The following PCNX2 variants were observed in gnomAD, a reference collection of about 807,000 sequenced individuals.
PCNX2 encodes pecanex-like protein 2.
In PCNX2, 168 loss-of-function variants were observed where a neutral mutation model predicts 223.8. That is an observed-to-expected ratio of 0.75 (90% CI 0.66 to 0.85). PCNX2 has a LOEUF of 0.85. PCNX2 is among the 40% of genes least tolerant of loss of function. The pLI is 0.00. For synonymous variants in PCNX2, 1,006 were observed against 1,052.6 expected (o/e 0.96, Z 0.86); for missense variants, 2,507 against 2,675.5 (o/e 0.94, Z 1.39).
the PCNX2 span, among the ~76,000 whole-genome samples, chr1:233,301,130 A>G: frequency 6.6e-6 from 1 of 152,248 alleles, no homozygotes; most frequent in African/African-American, 2.4e-5. Context: ...TAAACATTAT[A>G]CAAGCAACAT....
rs1487645036 is a variant in PCNX2 at position 232,999,157 on chromosome 1, C to T, written c.5551G>A (p.Gly1851Arg). The change falls in exon 31 of 34, where the codon GGA (glycine) becomes AGA (arginine). Residue 1851 changes from glycine to arginine, a missense_variant. Coordinates refer to ENST00000258229, the MANE Select transcript of PCNX2 (RefSeq NM_014801.4). ...CTAATTCTGTCCAAAGTGATGGGTC[C>T]ACCCCAGATGTTCTTCAGCTGCCTG... ...THRQLKNIWG[G>R]PITLDRIRTW... 6.2e-7 allele frequency: 1 copy of T among 1,613,756 alleles called. No individual in the cohort carries two copies. Among genetic ancestry groups the T allele is most frequent in the African/African-American group, 1.3e-5 (1 of 74,918 alleles).
At chr1:233,278,393 AC>A (rs1261848778) in intron 1 of PCNX2, among the ~76,000 whole-genome samples, 2 of 152,002 alleles carry the variant, frequency 1.3e-5, no homozygotes, top group Non-Finnish European at 1.5e-5. Flanking sequence ...CTCTCTGGGG[AC>A]TCTTGAGATG....
At position 232,986,332 on chromosome 1, in the gene PCNX2, G is replaced by A. The variant is rs752591120; in HGVS notation, c.6000C>T (p.Pro2000=). 7.5e-6 allele frequency: 12 copies of A among 1,593,180 alleles called. No homozygotes were observed. Among genetic ancestry groups the A allele is most frequent in the Non-Finnish European group, 1.0e-5 (12 of 1,170,634 alleles). Residue 2000 remains proline, a synonymous_variant, in exon 33 of 34, where the codon CCC becomes CCT. Transcript: ENST00000258229. ...SATSLHSQPP[P]VTTTGHLSVR... is the part of the protein sequence containing the mutation. The stretch of plus-strand genomic sequence containing the variant: ...CACTCAGGTGGCCGGTGGTGGTGAC[G>A]GGCGGGGGCTGAGAGTGCAGGGACG...
At chr1:233,022,578 C>T (rs369244009) in intron 26 of PCNX2, among the ~76,000 whole-genome samples, 79 of 146,206 alleles carry the variant, frequency 5.4e-4, no homozygotes, top group Admixed American at 1.1e-3. Flanking sequence ...AGTGTGTGCA[C>T]AGTGTGTACA....
chr1:233,195,305 G>T (rs553930540), intron 15 of PCNX2, among the ~76,000 whole-genome samples: 48 of 152,190 alleles, frequency 3.2e-4, no homozygotes, highest in Non-Finnish European at 1.5e-5. Flanking sequence ...AGAAATCTAA[G>T]GGAAATGACT....
At chr1:233,085,061 G>A (rs906028793) in intron 23 of PCNX2, among the ~76,000 whole-genome samples, 3 of 152,186 alleles carry the variant, frequency 2.0e-5, no homozygotes, top group Non-Finnish European at 4.4e-5. Context: ...CAGGCCAGGC[G>A]TGGTGGCTCA....
rs569035112 is a variant in PCNX2, at chr1:233,290,028, C to T, written c.153+5298G>A. Among the ~76,000 whole-genome samples the T allele has an allele frequency of 4.6e-4, 68 of 149,122 alleles. 1 individual carries two copies. Among genetic ancestry groups the T allele is most frequent in the Non-Finnish European group, 5.9e-4 (40 of 67,414 alleles). ...GGAAGTCTAGGTGAAGCCTGGGGGG[C>T]GGGGGGAAAGAAGTAAAGGAGGAAG... On this transcript the variant is annotated intron_variant, in intron 1 of 33. Transcript: ENST00000258229.
intron 23 of PCNX2, among the ~76,000 whole-genome samples, chr1:233,074,122 G>A (rs563608491): frequency 6.6e-6 from 1 of 152,002 alleles, no homozygotes; most frequent in Non-Finnish European, 1.5e-5. Context: ...ATTTGCTCTT[G>A]CTATTAATTT....
chr1:233,249,570 G>C lies in PCNX2; in HGVS notation c.2222+1169C>G, dbSNP rs115199630. Among the ~76,000 whole-genome samples, 1,137 of 152,346 alleles carry C rather than the reference G, an allele frequency of 7.5e-3. 9 individuals carry two copies. Among genetic ancestry groups the C allele is most frequent in the South Asian group, 0.023 (112 of 4,834 alleles). ...ATGCCTGTTGGCTGGAGAAGAAGAA[G>C]TTTGTGATGTTTGGATTGGTCCATG... On this transcript the variant is annotated intron_variant, in intron 8 of 33. Transcript: ENST00000258229.
intron 25 of PCNX2, among the ~76,000 whole-genome samples, chr1:233,041,628 C>T (rs1329295835): frequency 6.6e-6 from 1 of 152,210 alleles, no homozygotes; most frequent in Non-Finnish European, 1.5e-5. Context: ...AAACCCAGCA[C>T]TCTGGGTGGA....
At chr1:233,055,835 T>C (rs1014729822) in intron 24 of PCNX2, among the ~76,000 whole-genome samples, 1 of 152,146 alleles carries the variant, frequency 6.6e-6, no homozygotes, top group Non-Finnish European at 1.5e-5. Context: ...ATCCCTGCTT[T>C]GTATCCATGG....
At chr1:233,197,000 T>C (rs1680776300) in intron 15 of PCNX2, among the ~76,000 whole-genome samples, 1 of 152,174 alleles carries the variant, frequency 6.6e-6, no homozygotes, top group Non-Finnish European at 1.5e-5. Context: ...TACATCTAAC[T>C]GTACACTTGA....
In PCNX2 at chr1:233,267,768, T is replaced by C. The variant is rs1224358333; in HGVS notation, c.154-4605A>G. ...CACATTTTGTTTATTCATTCATCCA[T>C]TGGTGGACATTTGGGTTCCATCTAC... On this transcript the variant is annotated intron_variant, in intron 1 of 33. Coordinates refer to ENST00000258229, the MANE Select transcript of PCNX2 (RefSeq NM_014801.4). Among the ~76,000 whole-genome samples, 10 of 152,310 alleles carry C rather than the reference T, an allele frequency of 6.6e-5. 1 individual carries two copies. Among genetic ancestry groups the C allele is most frequent in the South Asian group, 4.1e-4 (2 of 4,820 alleles).
At chr1:232,987,685 A>G (rs1022822395) in intron 32 of PCNX2, among the ~76,000 whole-genome samples, 3 of 152,194 alleles carry the variant, frequency 2.0e-5, no homozygotes, top group African/African-American at 7.2e-5. Flanking sequence ...GGAGAACCCA[A>G]GAACTGACAC....
intron 21 of PCNX2, among the ~76,000 whole-genome samples, chr1:233,100,417 C>CAAAAAA (rs5781726): frequency 4.9e-5 from 4 of 81,058 alleles, no homozygotes; most frequent in African/African-American, 9.7e-5. Flanking sequence ...GATTCTGTCT[C>CAAAAAA]AAAAAAAAAA....
At chr1:233,208,132 T>C (rs148396352) in intron 13 of PCNX2, among the ~76,000 whole-genome samples, 1 of 152,036 alleles carries the variant, frequency 6.6e-6, no homozygotes, top group Non-Finnish European at 1.5e-5. Flanking sequence ...ATTTTTTGTA[T>C]CTTTTTAGTA....
chr1:233,260,998 A>G (rs1052809524), intron 4 of PCNX2, among the ~76,000 whole-genome samples: 7 of 152,324 alleles, frequency 4.6e-5, no homozygotes, highest in African/African-American at 1.4e-4. Flanking sequence ...TCAATAAAAA[A>G]CTTATATGTC....
At chr1:233,026,999 G>A (rs535288905) in intron 25 of PCNX2, among the ~76,000 whole-genome samples, 5 of 152,308 alleles carry the variant, frequency 3.3e-5, no homozygotes, top group South Asian at 2.1e-4. Flanking sequence ...AGTGTACAGA[G>A]AGTATGGAGA....
chr1:233,177,767 C>T (rs1221254435), intron 17 of PCNX2, 35 bp downstream of exon 17: 1 of 1,558,374 alleles, frequency 6.4e-7, no homozygotes, highest in Non-Finnish European at 8.8e-7. Context: ...AGATGAGGCC[C>T]TCCTATGCTA....
Sources: gnomAD v4.1 joint callset for allele counts (sites outside exome capture counted in the v4.1 genomes callset) on GRCh38, gnomAD v4.1.1 for gene constraint, MANE v1.5 for transcripts, NCBI Gene and HGNC (gene_info 2026-07-23, HGNC 2026-07-21) for gene names.